The following SAMSN1 variants were observed in gnomAD, a reference collection of about 807,000 sequenced individuals.
SAMSN1 encodes SAM domain-containing protein SAMSN-1.
SAMSN1 carries 31 observed loss-of-function variants against 42.0 expected under a neutral mutation model. The observed-to-expected ratio is 0.74, with a 90% CI of 0.55 to 1.00. SAMSN1 has a LOEUF of 1.00. Ranked by LOEUF, SAMSN1 falls within the 50% of genes least tolerant of loss-of-function variation. The pLI, the probability that SAMSN1 is intolerant of heterozygous loss-of-function variation, is 0.00. For synonymous variants in SAMSN1, 178 were observed against 151.9 expected (o/e 1.17, Z -1.26); for missense variants, 464 against 439.4 (o/e 1.06, Z -0.50).
At chr21:14,625,086 G>T (rs2123350622) in intron 2 of SAMSN1, among the ~76,000 whole-genome samples, 1 of 152,180 alleles carries the variant, frequency 6.6e-6, no homozygotes, top group South Asian at 2.1e-4. Flanking sequence ...TGCCCTTCAT[G>T]CTAAAAACTC....
chr21:14,583,397 G>C, exon 1 of SAMSN1: 1 of 407,502 alleles, frequency 2.5e-6, no homozygotes, highest in South Asian at 3.4e-5. Context: ...ACACTGCTGA[G>C]CTTCCTCCAT....
chr21:14,652,242 A>G lies in SAMSN1; in HGVS notation c.24+6506T>C, dbSNP rs9981335. Among the ~76,000 whole-genome samples, 1,449 of 152,160 alleles carry G rather than the reference A, an allele frequency of 9.5e-3. 28 individuals are homozygous for G. The highest frequency in any genetic ancestry group is 0.033 in the African/African-American group (1,370 of 41,550). ...GACACAGAATAGCCAAAGCTATCCT[A>G]AGCAAAAAGAACAAAACTGGAGAAA... On this transcript the variant is annotated intron_variant, in intron 1 of 15. Transcript: ENST00000647101.
chr21:14,600,201 C>T (rs1982393155), intron 6 of SAMSN1, among the ~76,000 whole-genome samples: 1 of 152,194 alleles, frequency 6.6e-6, no homozygotes, highest in Non-Finnish European at 1.5e-5. Flanking sequence ...CACTTTGCTA[C>T]TCACACCAGC....
intron 1 of SAMSN1, among the ~76,000 whole-genome samples, chr21:14,538,554 T>C (rs1355981257): frequency 6.6e-6 from 1 of 152,200 alleles, no homozygotes; most frequent in East Asian, 1.9e-4. Flanking sequence ...TATAAATACT[T>C]ATTCTCTTTC....
At chr21:14,593,112 G>C (rs984649215) in intron 7 of SAMSN1, among the ~76,000 whole-genome samples, 3 of 151,974 alleles carry the variant, frequency 2.0e-5, no homozygotes, top group African/African-American at 7.2e-5. Context: ...ACATATAGTT[G>C]AAAAGAAAAC....
At chr21:14,525,851 C>T (rs912985432) in intron 1 of SAMSN1, among the ~76,000 whole-genome samples, 1 of 152,030 alleles carries the variant, frequency 6.6e-6, no homozygotes. Context: ...AGTTAGTGGT[C>T]TCATAACTTT....
intron 2 of SAMSN1, among the ~76,000 whole-genome samples, chr21:14,564,988 C>A (rs931046711): frequency 6.6e-6 from 1 of 151,898 alleles, no homozygotes; most frequent in Non-Finnish European, 1.5e-5. Context: ...CTTGTAAAAC[C>A]AAGAAGAAAA....
chr21:14,536,645 C>A (rs1306966226), intron 1 of SAMSN1, among the ~76,000 whole-genome samples: 1 of 151,778 alleles, frequency 6.6e-6, no homozygotes, highest in African/African-American at 2.4e-5. Context: ...AGGTGCACTA[C>A]GAATTAAAAT....
rs73173235 is a variant in SAMSN1, at chr21:14,520,703, T to G, written c.129+447A>C. ...ATGAAGCCCACCCTTTCCCAACTGATTCTCTCTTAATAATGCCCACCTGTG... is the reference window on the plus strand; with the variant it reads ...ATGAAGCCCACCCTTTCCCAACTGAGTCTCTCTTAATAATGCCCACCTGTG... On this transcript the variant is annotated intron_variant, in intron 2 of 7. Transcript: ENST00000400566. 5.6e-3 allele frequency among the ~76,000 whole-genome samples: 855 copies of G among 152,138 alleles called. 1 individual carries two copies. The highest frequency in any genetic ancestry group is 8.8e-3 in the Non-Finnish European group (598 of 67,988).
chr21:14,602,748 A>G (rs562369253), intron 5 of SAMSN1, among the ~76,000 whole-genome samples: 6 of 152,262 alleles, frequency 3.9e-5, no homozygotes, highest in South Asian at 4.1e-4. Context: ...AGATAAGGAG[A>G]GTGCAACCCA....
At chr21:14,655,135 T>C (rs938820612) in intron 1 of SAMSN1, among the ~76,000 whole-genome samples, 2 of 151,796 alleles carry the variant, frequency 1.3e-5, no homozygotes, top group Admixed American at 6.6e-5. Flanking sequence ...AATCATTAAA[T>C]AGGAACAAAG....
chr21:14,541,997 A>AAAAAAGG (rs1555835238), intron 1 of SAMSN1, among the ~76,000 whole-genome samples: 3 of 151,808 alleles, frequency 2.0e-5, no homozygotes, highest in African/African-American at 7.3e-5. Flanking sequence ...GAAAAAAAAA[A>AAAAAAGG]AAGGAAGGAA....
At chr21:14,487,839 A>G (rs1235116966) in intron 7 of SAMSN1, among the ~76,000 whole-genome samples, 1 of 152,174 alleles carries the variant, frequency 6.6e-6, no homozygotes, top group Non-Finnish European at 1.5e-5. Flanking sequence ...ATATAAGATG[A>G]CAATTTTAAT....
chr21:14,562,691 T>A (rs1568809586), intron 2 of SAMSN1, among the ~76,000 whole-genome samples: 1 of 152,062 alleles, frequency 6.6e-6, no homozygotes, highest in Non-Finnish European at 1.5e-5. Flanking sequence ...CTTCCCAGAA[T>A]TGTTTTTCTT....
intron 7 of SAMSN1, chr21:14,495,562 T>C (rs1986883533): frequency 6.6e-6 from 1 of 152,186 alleles, no homozygotes; most frequent in Non-Finnish European, 1.5e-5. Context: ...TTTCCATTTT[T>C]CATCTCCCAG....
At position 14,510,315 on chromosome 21, in the gene SAMSN1, T is replaced by A; in HGVS notation, c.556A>T (p.Ile186Phe). The change falls in exon 5 of 8, where the codon ATC (isoleucine) becomes TTC (phenylalanine). Residue 186 changes from isoleucine (I) to phenylalanine (F), a missense_variant. By Grantham distance (21) the Ile-to-Phe change is conservative (BLOSUM62 0). Coordinates refer to ENST00000400566, the MANE Select transcript of SAMSN1 (RefSeq NM_022136.5). ...GGGATATGATGTCCTCTCACCTTGA[T>A]TTTGAGGGAGTCAGTGTCATAGGGA... ...PSPYDTDSLK[I>F]KKGDIIDIIC... The A allele has an allele frequency of 1.2e-6, 2 of 1,614,010 alleles. No individual in the cohort carries two copies. The highest frequency in any genetic ancestry group is 1.7e-6 in the Non-Finnish European group (2 of 1,179,938).
rs1474406161 is a variant in SAMSN1 at position 14,523,333 on chromosome 21, T to C, written c.58-2112A>G. ...AGAATATTGCCCCAAGGATGATAGC[T>C]GTGTTAGACACAATTAACGCCTTTT... On this transcript the variant is annotated intron_variant, in intron 1 of 7. Transcript: ENST00000400566. 2.6e-5 allele frequency: 4 copies of C among 152,356 alleles called. No homozygotes were observed. In the Middle Eastern group the frequency reaches 0.01, roughly 386 times the overall value. The allele number at this position is 152,356 out of a possible 1,614,324, so 9.4% of individuals were successfully genotyped here. A position where few individuals can be genotyped will look rare whatever the true frequency, so the allele number is the denominator to read the frequency against.
intron 2 of SAMSN1, among the ~76,000 whole-genome samples, chr21:14,576,907 T>A (rs192420826): frequency 4.8e-4 from 73 of 152,162 alleles, no homozygotes; most frequent in African/African-American, 1.7e-3. Flanking sequence ...GTCTTTGACT[T>A]TGCCTCTTCC....
chr21:14,640,859 T>C (rs1441427887), intron 2 of SAMSN1, among the ~76,000 whole-genome samples: 1 of 152,106 alleles, frequency 6.6e-6, no homozygotes, highest in East Asian at 1.9e-4. Flanking sequence ...TTTAATTAAA[T>C]GCTGAGAAAT....
Sources: gnomAD v4.1 joint callset for allele counts (sites outside exome capture counted in the v4.1 genomes callset) on GRCh38, gnomAD v4.1.1 for gene constraint, MANE v1.5 for transcripts, NCBI Gene and HGNC (gene_info 2026-07-23, HGNC 2026-07-21) for gene names.